Variants in SLC25A47 observed in about 807,000 individuals in gnomAD.
SLC25A47 encodes the protein solute carrier family 25 member 47.
A neutral mutation model predicts 29.8 loss-of-function variants in SLC25A47; 30 were observed. The observed-to-expected ratio is 1.01, with a 90% CI of 0.75 to 1.36. The LOEUF (loss-of-function observed/expected upper bound fraction) is 1.36, where lower values mean the gene tolerates loss of function less well. Among genes scored for constraint, SLC25A47 ranks in the 40% most tolerant of loss-of-function variants. The pLI is 0.00. For synonymous variants in SLC25A47, 204 were observed against 197.8 expected (o/e 1.03, Z -0.26); for missense variants, 430 against 441.9 (o/e 0.97, Z 0.24).
At chr14:100,328,481 C>T (rs7147511) in intron 4 of SLC25A47, among the ~76,000 whole-genome samples, 53,841 of 152,206 alleles carry the variant, frequency 0.35, 11,876 homozygotes, top group South Asian at 0.66. Context: ...TTATCTTACA[C>T]GTCCCAGGAG....
chr14:100,327,008 TGGCTCTTCA>T (rs1329426894), intron 3 of SLC25A47, among the ~76,000 whole-genome samples, 171 bp from the exon 4 acceptor site: 3 of 152,090 alleles, frequency 2.0e-5, no homozygotes, highest in Non-Finnish European at 4.4e-5. Context: ...CCTGGTCCTC[TGGCTCTTCA>T]GGTCCCCCCT....
rs769246968 is a variant in SLC25A47 at position 100,325,831 on chromosome 14, G to A, written c.72G>A (p.Lys24=). 3 of 1,612,052 alleles carry A rather than the reference G, an allele frequency of 1.9e-6. No individual in the cohort carries two copies. Among genetic ancestry groups the A allele is most frequent in the South Asian group, 1.1e-5 (1 of 90,494 alleles). Reference sequence around the variant, plus strand: ...TGGGCTACCCCCTGGACACGGTGAAGGTGCGGCAATAGCCAGCCCCCCAAC... The same window carrying A: ...TGGGCTACCCCCTGGACACGGTGAAAGTGCGGCAATAGCCAGCCCCCCAAC... ...VAVGYPLDTV[K]VRIQTEPKYT... Residue 24 remains lysine (K), a splice_region_variant and synonymous_variant, in exon 2 of 6, where the codon AAG becomes AAA. Coordinates refer to ENST00000361529, the MANE Select transcript of SLC25A47 (RefSeq NM_207117.4).
chr14:100,323,681 G>T (rs1219545948), intron 1 of SLC25A47, among the ~76,000 whole-genome samples: 1 of 152,128 alleles, frequency 6.6e-6, no homozygotes, highest in East Asian at 1.9e-4. Context: ...GCAGGCTGGG[G>T]ATGGGGCTGT....
At chr14:100,329,277 G>A in intron 5 of SLC25A47, 88 bp from the exon 6 acceptor site, 6 of 1,471,442 alleles carry the variant, frequency 4.1e-6, no homozygotes, top group Non-Finnish European at 5.4e-6. Context: ...TGTTGCAAAT[G>A]AGGACGGGCC....
In SLC25A47 at chr14:100,325,823, A is replaced by T. The variant is rs747413995; in HGVS notation, c.64A>T (p.Thr22Ser). Residue 22 changes from threonine (T) to serine (S), a missense_variant, in exon 2 of 6, where the codon ACG (threonine) becomes TCG (serine). Thr to Ser is a moderately conservative substitution (Grantham distance 58). Coordinates refer to ENST00000361529, the MANE Select transcript of SLC25A47 (RefSeq NM_207117.4). ...CGVAVGYPLD[T>S]VKVRIQTEPK... ...TGTTGCTGTGGGCTACCCCCTGGAC[A>T]CGGTGAAGGTGCGGCAATAGCCAGC... The T allele has an allele frequency of 9.3e-6, 15 of 1,612,538 alleles. No homozygotes were observed. The South Asian group carries it at 1.5e-4, about 17-fold the overall frequency.
At chr14:100,327,100 G>A (rs943432548) in intron 3 of SLC25A47, 88 bp from the exon 4 acceptor site, 14 of 1,304,176 alleles carry the variant, frequency 1.1e-5, no homozygotes, top group African/African-American at 1.5e-5. Flanking sequence ...GTCCGACAGC[G>A]GAGTGCGGAG....
At chr14:100,329,116 C>T in intron 5 of SLC25A47, 72 bp downstream of exon 5, 1 of 1,496,206 alleles carries the variant, frequency 6.7e-7, no homozygotes, top group Middle Eastern at 1.9e-4. Flanking sequence ...GGTCGTGCTG[C>T]CCGCCAGTAC....
intron 1 of SLC25A47, among the ~76,000 whole-genome samples, chr14:100,325,027 G>T (rs771352352): frequency 6.6e-6 from 1 of 152,134 alleles, no homozygotes; most frequent in African/African-American, 2.4e-5. Context: ...ACTGAGTCCT[G>T]GGCTACAGTG....
chr14:100,326,160 A>G lies in SLC25A47; in HGVS notation c.76A>G (p.Arg26Gly), dbSNP rs1440169626. 15 of 1,613,244 alleles carry G rather than the reference A, an allele frequency of 9.3e-6. No individual in the cohort carries two copies. The highest frequency in any genetic ancestry group is 1.2e-5 in the Non-Finnish European group (14 of 1,179,756). Residue 26 changes from arginine to glycine, a missense_variant, in exon 3 of 6, where the codon AGG (arginine) becomes GGG (glycine). By Grantham distance (125) the Arg-to-Gly change is moderately radical (BLOSUM62 -2). Coordinates refer to ENST00000361529, the MANE Select transcript of SLC25A47 (RefSeq NM_207117.4). ...VGYPLDTVKV[R>G]IQTEPKYTGI... ...CTGAAGCCCACTTCTCCTGCAGGTCAGGATCCAGACGGAGCCAAAGTACAC... is the reference window on the plus strand; with the variant it reads ...CTGAAGCCCACTTCTCCTGCAGGTCGGGATCCAGACGGAGCCAAAGTACAC...
At chr14:100,324,206 T>C (rs1893298122) in intron 1 of SLC25A47, among the ~76,000 whole-genome samples, 1 of 151,892 alleles carries the variant, frequency 6.6e-6, no homozygotes, top group African/African-American at 2.4e-5. Context: ...GCAGAGTACC[T>C]GCCCCATTAA....
Position 100,328,758 on chromosome 14 carries a change from AGT to A in SLC25A47, c.361_362del (p.Val121ProfsTer51), listed in dbSNP as rs1893385784. ...FLTSPTEVAK[V>X]RLQTQTQAQK... ...TGACGTCGCCCACTGAGGTGGCCAA[AGT>A]CCGCTTGCAGACGCAGACACAGGCG... On this transcript the variant is annotated frameshift_variant, in exon 5 of 6. Transcript: ENST00000361529. LOFTEE classifies it high-confidence loss of function. The A allele has an allele frequency of 6.2e-7, 1 of 1,612,898 alleles. No individual in the cohort carries two copies. The highest frequency in any genetic ancestry group is 1.1e-5 in the South Asian group (1 of 91,092).
In SLC25A47 at chr14:100,328,781, A is replaced by G. The variant is rs753984516; in HGVS notation, c.383A>G (p.Gln128Arg). The G allele has an allele frequency of 1.2e-5, 20 of 1,612,920 alleles. No homozygotes were observed. Among genetic ancestry groups the G allele is most frequent in the Non-Finnish European group, 1.4e-5 (17 of 1,179,954 alleles). ...AAAGTCCGCTTGCAGACGCAGACAC[A>G]GGCGCAGAAGCAGCAGCGGCGGCTT... ...VAKVRLQTQTQAQKQQRRLSA... is the reference protein window; with the variant it reads ...VAKVRLQTQTRAQKQQRRLSA... Residue 128 changes from glutamine (Q) to arginine (R), a missense_variant, in exon 5 of 6, where the codon CAG (glutamine) becomes CGG (arginine). Physicochemically the swap from Gln to Arg is conservative, Grantham distance 43 (BLOSUM62 1). Transcript: ENST00000361529.
At chr14:100,325,688 G>C (rs777424975) in intron 1 of SLC25A47, 100 bp from the exon 2 acceptor site, 35 of 1,259,626 alleles carry the variant, frequency 2.8e-5, no homozygotes, top group Non-Finnish European at 3.8e-5. Flanking sequence ...GCCCTTGGGG[G>C]AGCCCAGTCA....
At position 100,329,466 on chromosome 14, in the gene SLC25A47, C is replaced by A. The variant is rs769190260; in HGVS notation, c.748C>A (p.Gln250Lys). Residue 250 changes from glutamine (Q) to lysine (K), a missense_variant, in exon 6 of 6, where the codon CAG becomes AAG. Transcript: ENST00000361529. ...CAAGTCGAGACTGCAGGCAGACGGG[C>A]AGGGCCAGAGGCGCTACCGGGGTCT... ...VIKSRLQADG[Q>K]GQRRYRGLLH... is the part of the protein sequence containing the mutation. 38 of 1,613,442 alleles carry A rather than the reference C, an allele frequency of 2.4e-5. No individual in the cohort carries two copies. The highest frequency in any genetic ancestry group is 2.8e-5 in the Non-Finnish European group (33 of 1,180,010).
At chr14:100,329,241 C>A in intron 5 of SLC25A47, 124 bp from the exon 6 acceptor site, 1 of 1,278,860 alleles carries the variant, frequency 7.8e-7, no homozygotes, top group Non-Finnish European at 1.1e-6. Flanking sequence ...TGGTTGTGGA[C>A]AAGTCCCATT....
rs750798305 is a variant in SLC25A47 at position 100,328,966 on chromosome 14, G to C, written c.568G>C (p.Gly190Arg). 1 of 1,602,918 alleles carries C rather than the reference G, an allele frequency of 6.2e-7. No individual in the cohort carries two copies. The highest frequency in any genetic ancestry group is 1.1e-5 in the South Asian group (1 of 91,086). The change falls in exon 5 of 6, where the codon GGC becomes CGC. Residue 190 changes from glycine (G) to arginine (R), a missense_variant. By Grantham distance (125) the Gly-to-Arg change is moderately radical. Coordinates refer to ENST00000361529, the MANE Select transcript of SLC25A47 (RefSeq NM_207117.4). ...KGSSALVLRD[G>R]HSFATYFLSY... The stretch of plus-strand genomic sequence containing the variant: ...CAGCTCGGCCCTGGTCTTACGGGAC[G>C]GCCACTCCTTTGCCACCTACTTCCT...
chr14:100,329,310 C>T, intron 5 of SLC25A47, 55 bp from the exon 6 acceptor site: 2 of 1,532,096 alleles, frequency 1.3e-6, no homozygotes, highest in Non-Finnish European at 1.7e-6. Context: ...CCAGGGTGCG[C>T]TGCCCTGGGC....
At chr14:100,324,223 TTTTC>T (rs1893298389) in intron 1 of SLC25A47, among the ~76,000 whole-genome samples, 2 of 151,736 alleles carry the variant, frequency 1.3e-5, no homozygotes, top group Non-Finnish European at 2.9e-5. Context: ...TTAACAGGCT[TTTTC>T]TTTTTTTTTT....
chr14:100,327,087 G>C (rs991775617), intron 3 of SLC25A47, 101 bp from the exon 4 acceptor site: 1 of 1,180,560 alleles, frequency 8.5e-7, no homozygotes, highest in Non-Finnish European at 1.2e-6. Context: ...TGACCTTCCC[G>C]AGGTCCGACA....
Sources: allele counts gnomAD v4.1 joint callset (sites outside exome capture counted in the v4.1 genomes callset), GRCh38; gene constraint gnomAD v4.1.1; transcripts MANE v1.5; gene names NCBI Gene and HGNC (gene_info 2026-07-23, HGNC 2026-07-21).